Variants in DLG2 observed in about 807,000 individuals in gnomAD.
The protein encoded by DLG2 is discs large MAGUK scaffold protein 2.
A neutral mutation model predicts 132.5 loss-of-function variants in DLG2; 45 were observed. The ratio of observed to expected loss-of-function variants is 0.34; its 90% CI spans 0.27 to 0.44. The LOEUF (loss-of-function observed/expected upper bound fraction) is 0.44. Ranked by LOEUF, DLG2 falls within the 20% of genes least tolerant of loss-of-function variation. DLG2 has a pLI of 1.00. For missense variants in DLG2, 1,045 were observed against 1,196.9 expected (o/e 0.87, Z 1.87); for synonymous variants, 424 against 419.6 (o/e 1.01, Z -0.13).
At chr11:84,095,822 C>T (rs1945800) in intron 10 of DLG2, among the ~76,000 whole-genome samples, 132,233 of 152,140 alleles carry the variant, frequency 0.87, 57,756 homozygotes, top group Middle Eastern at 0.95. Context: ...GTGAATTTTG[C>T]TGCTCTAGTT....
chr11:85,530,416 G>A (rs1311588301), intron 3 of DLG2, among the ~76,000 whole-genome samples: 1 of 151,678 alleles, frequency 6.6e-6, no homozygotes, highest in Non-Finnish European at 1.5e-5. Context: ...CGCCTCCCAG[G>A]TTCAAGCGAT....
At chr11:84,095,708 C>A (rs2097156195) in intron 10 of DLG2, among the ~76,000 whole-genome samples, 1 of 152,174 alleles carries the variant, frequency 6.6e-6, no homozygotes, top group South Asian at 2.1e-4. Context: ...GCTGCAGAAT[C>A]CCACTCTATA....
At chr11:85,243,160 C>A (rs1195533762) in intron 4 of DLG2, among the ~76,000 whole-genome samples, 1 of 152,008 alleles carries the variant, frequency 6.6e-6, no homozygotes, top group Non-Finnish European at 1.5e-5. Context: ...TTTCTGTATA[C>A]CCACAGGTTA....
At chr11:85,525,844 T>A (rs1565635353) in intron 3 of DLG2, among the ~76,000 whole-genome samples, 1 of 152,102 alleles carries the variant, frequency 6.6e-6, no homozygotes. Flanking sequence ...CAGTGAGAAT[T>A]TAAAGGACAG....
intron 6 of DLG2, among the ~76,000 whole-genome samples, chr11:85,028,936 C>A (rs981115619): frequency 6.6e-6 from 1 of 152,132 alleles, no homozygotes; most frequent in African/African-American, 2.4e-5. Context: ...CTGCAGTTGG[C>A]GTCTTCTCAG....
At chr11:84,462,469 T>C (rs2099082947) in intron 7 of DLG2, among the ~76,000 whole-genome samples, 1 of 151,138 alleles carries the variant, frequency 6.6e-6, no homozygotes, top group African/African-American at 2.4e-5. Flanking sequence ...TCTAGTTTTC[T>C]TGGTAGAAGA....
At chr11:85,100,042 G>T (rs2070615453) in intron 6 of DLG2, among the ~76,000 whole-genome samples, 1 of 152,092 alleles carries the variant, frequency 6.6e-6, no homozygotes, top group African/African-American at 2.4e-5. Flanking sequence ...ACCTTTCAAA[G>T]ATATAGAAAT....
At chr11:85,145,788 G>C (rs1114519) in intron 5 of DLG2, among the ~76,000 whole-genome samples, 150,428 of 152,194 alleles carry the variant, frequency 0.99, 74,436 homozygotes, top group Middle Eastern at 1. Flanking sequence ...TTTTAATTCT[G>C]TTTCTGAAAG....
At chr11:85,113,514 T>C (rs959825708) in intron 5 of DLG2, among the ~76,000 whole-genome samples, 1 of 152,012 alleles carries the variant, frequency 6.6e-6, no homozygotes. Flanking sequence ...CTAAGAAAAT[T>C]AACAATGATT....
chr11:84,846,234 T>C (rs1036728309), intron 6 of DLG2, among the ~76,000 whole-genome samples: 4 of 152,134 alleles, frequency 2.6e-5, no homozygotes, highest in African/African-American at 9.7e-5. Context: ...ACTTTTTGAC[T>C]TGAAATCTTC....
At chr11:83,902,333 AG>A (rs1412531420) in intron 15 of DLG2, among the ~76,000 whole-genome samples, 2 of 152,184 alleles carry the variant, frequency 1.3e-5, no homozygotes, top group Non-Finnish European at 2.9e-5. Context: ...AAAAGTTTAG[AG>A]GGTTCATTTG....
intron 6 of DLG2, among the ~76,000 whole-genome samples, chr11:84,833,234 C>T (rs1279177780): frequency 1.3e-5 from 2 of 151,514 alleles, no homozygotes; most frequent in Non-Finnish European, 3.0e-5. Context: ...TTCCCAACAA[C>T]CTGAAACTAC....
intron 4 of DLG2, among the ~76,000 whole-genome samples, chr11:85,279,494 A>G (rs1385593749): frequency 1.3e-5 from 2 of 152,054 alleles, no homozygotes; most frequent in African/African-American, 2.4e-5. Flanking sequence ...ACTGGTAGCT[A>G]AAGCTTATGT....
At chr11:85,349,061 T>A (rs1222490473) in intron 3 of DLG2, among the ~76,000 whole-genome samples, 1 of 152,098 alleles carries the variant, frequency 6.6e-6, no homozygotes, top group Non-Finnish European at 1.5e-5. Flanking sequence ...GTTCAGGCCA[T>A]GATTGGAATG....
At chr11:84,512,585 T>G (rs566210075) in intron 7 of DLG2, among the ~76,000 whole-genome samples, 3 of 152,028 alleles carry the variant, frequency 2.0e-5, no homozygotes, top group African/African-American at 4.8e-5. Context: ...ATAATCAAAC[T>G]ATAAAACATA....
intron 6 of DLG2, among the ~76,000 whole-genome samples, chr11:84,892,318 T>C (rs1233208891): frequency 6.6e-6 from 1 of 152,138 alleles, no homozygotes; most frequent in Non-Finnish European, 1.5e-5. Context: ...CATGCTGTAA[T>C]CAGAGATCTT....
chr11:84,550,155 C>T (rs2099399090), intron 6 of DLG2, among the ~76,000 whole-genome samples: 1 of 151,708 alleles, frequency 6.6e-6, no homozygotes. Context: ...CACACATACA[C>T]ACACATGCAT....
intron 18 of DLG2, among the ~76,000 whole-genome samples, chr11:83,712,974 T>C (rs541975284): frequency 1.2e-3 from 178 of 149,616 alleles, no homozygotes; most frequent in African/African-American, 4.4e-3. Flanking sequence ...AAAATAAAAG[T>C]TGAAAAAAAA....
chr11:85,454,901 G>C (rs145645245), intron 3 of DLG2, among the ~76,000 whole-genome samples: 1 of 151,454 alleles, frequency 6.6e-6, no homozygotes, highest in African/African-American at 2.4e-5. Flanking sequence ...GTCTGTTTTC[G>C]TATCAGTGTT....
Sources: gnomAD v4.1 joint callset for allele counts (sites outside exome capture counted in the v4.1 genomes callset) on GRCh38, gnomAD v4.1.1 for gene constraint, MANE v1.5 for transcripts, NCBI Gene and HGNC (gene_info 2026-07-23, HGNC 2026-07-21) for gene names.